The following ZFAT variants were observed in gnomAD, a reference collection of about 807,000 sequenced individuals.
ZFAT encodes the protein zinc finger and AT-hook domain containing.
In ZFAT, 64 loss-of-function variants were observed where a neutral mutation model predicts 117.7. The observed-to-expected ratio is 0.54, with a 90% CI of 0.44 to 0.67. The LOEUF (loss-of-function observed/expected upper bound fraction) is 0.67, where lower values mean the gene tolerates loss of function less well. Ranked by LOEUF, ZFAT falls within the 30% of genes least tolerant of loss-of-function variation. ZFAT has a pLI of 0.00. For synonymous variants in ZFAT, 679 were observed against 615.0 expected (o/e 1.10, Z -1.54); for missense variants, 1,433 against 1,584.5 (o/e 0.90, Z 1.62).
At chr8:134,565,745 A>G (rs1363533507) in intron 10 of ZFAT, 2 of 410,248 alleles carry the variant, frequency 4.9e-6, no homozygotes, top group Non-Finnish European at 9.0e-6. Context: ...ATCAAGGGAG[A>G]GGGGCACACA....
chr8:134,832,250 G>A, the ZFAT span, among the ~76,000 whole-genome samples: 1 of 151,630 alleles, frequency 6.6e-6, no homozygotes, highest in Non-Finnish European at 1.5e-5. Context: ...GGCTCCCTCC[G>A]GTCTCTCTGC....
intron 11 of ZFAT, among the ~76,000 whole-genome samples, chr8:134,555,691 A>AAAAAAG (rs1823527622): frequency 6.6e-6 from 1 of 152,094 alleles, no homozygotes. Flanking sequence ...CCTGCAGGGA[A>AAAAAAG]AAAAAGAAAA....
intron 1 of ZFAT, among the ~76,000 whole-genome samples, chr8:134,704,969 A>G (rs1270968805): frequency 6.6e-6 from 1 of 152,362 alleles, no homozygotes; most frequent in African/African-American, 2.4e-5. Context: ...AAGAGAAGAT[A>G]CAAAAAGCAC....
the ZFAT span, among the ~76,000 whole-genome samples, chr8:134,761,753 T>G: frequency 4.6e-5 from 7 of 152,128 alleles, no homozygotes; most frequent in African/African-American, 7.2e-5. Context: ...AAGCACTTAT[T>G]TTTCAACAAT....
the ZFAT span, among the ~76,000 whole-genome samples, chr8:134,801,864 G>A: frequency 1.2e-4 from 18 of 152,292 alleles, no homozygotes; most frequent in East Asian, 2.5e-3. Flanking sequence ...AAGAATGTAA[G>A]ATGAGCTCTG....
chr8:134,699,861 TCGGGATGGACAAGGCAC>T (rs1250442656), intron 1 of ZFAT, among the ~76,000 whole-genome samples: 1 of 152,174 alleles, frequency 6.6e-6, no homozygotes, highest in Admixed American at 6.5e-5. Flanking sequence ...CTTCATGCTG[TCGGGATGGACAAGGCAC>T]CGGGGCAGGA....
In ZFAT at chr8:134,634,034, A is replaced by G. The variant is rs1209187439; in HGVS notation, c.448+3427T>C. On this transcript the variant is annotated intron_variant, in intron 3 of 15. Coordinates refer to ENST00000377838, the MANE Select transcript of ZFAT (RefSeq NM_020863.4). The stretch of plus-strand genomic sequence containing the variant: ...GCACTCCAGCCTAGGCAACAAGAGC[A>G]AAACTCCATCTCAAAAAAACAAAAC... Among the ~76,000 whole-genome samples the G allele has an allele frequency of 5.3e-5, 8 of 150,996 alleles. No homozygotes were observed. The East Asian group carries it at 1.6e-3, about 30-fold the overall frequency.
the ZFAT span, among the ~76,000 whole-genome samples, chr8:134,758,367 T>C: frequency 6.6e-6 from 1 of 152,192 alleles, no homozygotes; most frequent in East Asian, 1.9e-4. Context: ...AATAAAACAC[T>C]TGGGTTCAAC....
rs780619281 is a variant in ZFAT at position 134,478,688 on chromosome 8, C to A, written c.3526G>T (p.Val1176Phe). 6.3e-7 allele frequency: 1 copy of A among 1,578,140 alleles called. No homozygotes were observed. The highest frequency in any genetic ancestry group is 1.2e-5 in the South Asian group (1 of 85,760). ...TGCTGGACCGTCTCCTGGATCATGA[C>A]CGTGTGGTTGGAGCTGGGCTCCTCC... is the stretch of plus-strand genomic sequence containing the variant. ...TEEEPSSNHTVMIQETVQQAS... is the reference protein window; with the variant it reads ...TEEEPSSNHTFMIQETVQQAS... The change falls in exon 16 of 16, where the codon GTC (valine) becomes TTC (phenylalanine). Residue 1176 changes from valine (V) to phenylalanine (F), a missense_variant. Val to Phe is a conservative substitution (Grantham distance 50). Around this residue, in one of 5 missense-constraint regions of ZFAT, gnomAD observed 503 missense variants for 543.4 expected, o/e 0.93. Transcript: ENST00000377838. This position sits in a 1 kb window ranked among gnomAD's most constrained non-coding sequence, Gnocchi z 5.2.
At chr8:134,502,331 G>A (rs181968906) in intron 15 of ZFAT, among the ~76,000 whole-genome samples, 131 of 152,292 alleles carry the variant, frequency 8.6e-4, no homozygotes, top group Admixed American at 3.2e-3. Flanking sequence ...AGGGGTCAGG[G>A]GACCACATTA....
At chr8:134,769,522 C>G in the ZFAT span, among the ~76,000 whole-genome samples, 1 of 152,170 alleles carries the variant, frequency 6.6e-6, no homozygotes, top group Non-Finnish European at 1.5e-5. Flanking sequence ...TACAGCTTCC[C>G]TCCCAGCTAC....
intron 10 of ZFAT, among the ~76,000 whole-genome samples, chr8:134,567,420 T>C (rs1026739809): frequency 5.9e-5 from 9 of 152,086 alleles, no homozygotes; most frequent in Non-Finnish European, 1.0e-4. Flanking sequence ...GCCCCTAAGC[T>C]GGTTTCCTTG....
chr8:134,537,405 G>A (rs1056218028), intron 11 of ZFAT, among the ~76,000 whole-genome samples: 1 of 152,176 alleles, frequency 6.6e-6, no homozygotes, highest in Non-Finnish European at 1.5e-5. Flanking sequence ...GGTATTCTTG[G>A]GTCTCCTGGA....
chr8:134,734,238 C>T, the ZFAT span, among the ~76,000 whole-genome samples: 9 of 152,380 alleles, frequency 5.9e-5, no homozygotes, highest in East Asian at 1.5e-3. Flanking sequence ...CAACTTTAGG[C>T]TGCTTTCACA....
the ZFAT span, among the ~76,000 whole-genome samples, chr8:134,742,541 A>T: frequency 6.6e-6 from 1 of 152,104 alleles, no homozygotes; most frequent in South Asian, 2.1e-4. Context: ...TTATCCTCTG[A>T]TCAGATTCCT....
intron 11 of ZFAT, among the ~76,000 whole-genome samples, chr8:134,543,138 G>A (rs552930915): frequency 4.2e-4 from 62 of 148,812 alleles, no homozygotes; most frequent in African/African-American, 1.4e-3. Context: ...AAGAGATAGG[G>A]TAACATACAA....
intron 13 of ZFAT, 147 bp downstream of exon 13, chr8:134,520,736 G>T: frequency 1.6e-6 from 1 of 635,706 alleles, no homozygotes; most frequent in Non-Finnish European, 2.7e-6. Flanking sequence ...TCAGACGCGA[G>T]ACATCATTTG....
chr8:134,795,452 AG>A, the ZFAT span: 1 of 139,634 alleles, frequency 7.2e-6, no homozygotes, highest in East Asian at 1.9e-4. Context: ...AATGAAAAAA[AG>A]TTAACAAGTA....
At chr8:134,771,945 T>TC in the ZFAT span, among the ~76,000 whole-genome samples, 1 of 152,054 alleles carries the variant, frequency 6.6e-6, no homozygotes, top group African/African-American at 2.4e-5. Context: ...TCAGTGAAAC[T>TC]CCCCTTTTTA....
Sources: gnomAD v4.1 joint callset for allele counts (sites outside exome capture counted in the v4.1 genomes callset) on GRCh38, gnomAD v4.1.1 for gene constraint, gnomAD v4.1.1 regional missense constraint, Gnocchi (gnomAD v3.1) non-coding constraint, MANE v1.5 for transcripts, NCBI Gene and HGNC (gene_info 2026-07-23, HGNC 2026-07-21) for gene names.